RYR2: variants seen among roughly 807,000 people sequenced by gnomAD.
The protein encoded by RYR2 is cardiac muscle ryanodine receptor-calcium release channel.
A neutral mutation model predicts 601.1 loss-of-function variants in RYR2; 227 were observed. That is an observed-to-expected ratio of 0.38 (90% CI 0.34 to 0.42). The LOEUF (loss-of-function observed/expected upper bound fraction) is 0.42, where lower values mean the gene tolerates loss of function less well. Ranked by LOEUF, RYR2 falls within the 10% of genes least tolerant of loss-of-function variation. The pLI is 1.00. For synonymous variants in RYR2, 2,223 were observed against 2,175.1 expected (o/e 1.02, Z -0.61); for missense variants, 4,646 against 6,156.5 (o/e 0.75, Z 8.21).
rs192630326 is a variant in RYR2 at position 237,601,684 on chromosome 1, C to T, written c.4597-341C>T. On this transcript the variant is annotated intron_variant, in intron 34 of 104. Coordinates refer to ENST00000366574, the MANE Select transcript of RYR2 (RefSeq NM_001035.3). ...TACACAATGTATGCAAGTATCAAAA[C>T]ATCATGTTACACCCCATTAAATATC... Among the ~76,000 whole-genome samples, 382 of 152,220 alleles carry T rather than the reference C, an allele frequency of 2.5e-3. 1 individual carries two copies. Among genetic ancestry groups the T allele is most frequent in the African/African-American group, 8.7e-3 (362 of 41,540 alleles).
intron 12 of RYR2, among the ~76,000 whole-genome samples, chr1:237,428,793 T>C (rs1706482061): frequency 1.3e-5 from 2 of 151,328 alleles, no homozygotes; most frequent in South Asian, 4.2e-4. Context: ...AAGTTGTAAG[T>C]TGTTAAATTT....
chr1:237,084,571 C>T (rs561922555), intron 1 of RYR2, among the ~76,000 whole-genome samples: 7 of 152,002 alleles, frequency 4.6e-5, no homozygotes, highest in South Asian at 4.2e-4. Context: ...GATGGAAAGG[C>T]GGGGGAGGGG....
At chr1:237,109,146 C>A (rs909812079) in intron 1 of RYR2, among the ~76,000 whole-genome samples, 2 of 151,636 alleles carry the variant, frequency 1.3e-5, no homozygotes, top group Non-Finnish European at 2.9e-5. Flanking sequence ...CAAATACATA[C>A]ATAAATGTGT....
At chr1:237,781,978 G>A (rs887550735) in intron 89 of RYR2, among the ~76,000 whole-genome samples, 4 of 151,942 alleles carry the variant, frequency 2.6e-5, no homozygotes, top group East Asian at 3.9e-4. Flanking sequence ...TGGGGGTTTC[G>A]GACATTTGGG....
chr1:237,043,084 G>T (rs376986668), intron 1 of RYR2, among the ~76,000 whole-genome samples: 1 of 152,224 alleles, frequency 6.6e-6, no homozygotes, highest in South Asian at 2.1e-4. Flanking sequence ...ACGTTGGTTC[G>T]CTTACTCCGT....
chr1:237,766,590 G>A (rs903506447), intron 84 of RYR2, among the ~76,000 whole-genome samples: 2 of 152,164 alleles, frequency 1.3e-5, no homozygotes, highest in East Asian at 3.9e-4. Flanking sequence ...AGGTATCAGA[G>A]TCTCAAGGCA....
chr1:237,453,245 A>C (rs1412295854), intron 14 of RYR2, among the ~76,000 whole-genome samples: 1 of 152,068 alleles, frequency 6.6e-6, no homozygotes, highest in Non-Finnish European at 1.5e-5. Flanking sequence ...AGGTAGGTGA[A>C]TTCTGTTCAT....
chr1:237,064,711 C>A (rs1253806299), intron 1 of RYR2, among the ~76,000 whole-genome samples: 1 of 105,584 alleles, frequency 9.5e-6, no homozygotes, highest in Non-Finnish European at 1.9e-5. Context: ...TGAATACCTG[C>A]AGTTTTTTGT....
Position 237,784,970 on chromosome 1 carries a change from C to A in RYR2, c.13258C>A (p.Gln4420Lys). The A allele has an allele frequency of 6.3e-7, 1 of 1,575,718 alleles. No homozygotes were observed. The highest frequency in any genetic ancestry group is 1.8e-5 in the Admixed American group (1 of 54,122). ...CATGCCTGAGGTGCAGGAAAAATTT[C>A]AGGTAATTTATCTCTAAGTCACAGC... ...VPMPEVQEKF[Q>K]EQKAKEEEKE... The change falls in exon 90 of 105, where the codon CAG becomes AAG. Residue 4420 changes from glutamine to lysine, a missense_variant and splice_region_variant. Physicochemically the swap from Gln to Lys is moderately conservative, Grantham distance 53. Around this residue, in one of 17 missense-constraint regions of RYR2, gnomAD observed 364 missense variants for 442.9 expected, o/e 0.82. Transcript: ENST00000366574. The surrounding 1 kb of genome is among the most constrained non-coding windows in gnomAD (Gnocchi z 7.1).
intron 1 of RYR2, among the ~76,000 whole-genome samples, chr1:237,143,433 G>A (rs1673608441): frequency 6.6e-6 from 1 of 152,174 alleles, no homozygotes; most frequent in South Asian, 2.1e-4. Flanking sequence ...CAACTTTGGA[G>A]GAGATTCCTC....
chr1:237,393,862 G>A (rs766261765), intron 10 of RYR2, among the ~76,000 whole-genome samples: 13 of 152,282 alleles, frequency 8.5e-5, no homozygotes, highest in East Asian at 7.7e-4. Context: ...GTCTAGAGCC[G>A]CACTCTCAAG....
intron 1 of RYR2, among the ~76,000 whole-genome samples, chr1:237,165,387 C>A (rs1676588717): frequency 6.6e-6 from 1 of 152,114 alleles, no homozygotes; most frequent in Non-Finnish European, 1.5e-5. Flanking sequence ...TAAAATGGAT[C>A]AAAATCACTT....
intron 22 of RYR2, among the ~76,000 whole-genome samples, 167 bp from the exon 23 acceptor site, chr1:237,506,543 G>GAAA (rs368515743): frequency 4.5e-5 from 6 of 134,796 alleles, no homozygotes; most frequent in Admixed American, 3.0e-4. Flanking sequence ...GTCTCAAGGG[G>GAAA]AAAAAAAAAA....
intron 1 of RYR2, among the ~76,000 whole-genome samples, chr1:237,218,011 G>C (rs765956617): frequency 4.6e-5 from 7 of 152,082 alleles, no homozygotes; most frequent in Non-Finnish European, 1.0e-4. Flanking sequence ...GATATGCAGG[G>C]GTGGCTGTTC....
intron 1 of RYR2, among the ~76,000 whole-genome samples, chr1:237,208,948 A>ATG (rs60860953): frequency 3.9e-4 from 37 of 94,196 alleles, no homozygotes; most frequent in South Asian, 1.4e-3. Context: ...ATATATATAT[A>ATG]TATATATATA....
intron 2 of RYR2, among the ~76,000 whole-genome samples, chr1:237,315,315 G>A (rs1054643749): frequency 1.3e-5 from 2 of 151,996 alleles, no homozygotes; most frequent in Admixed American, 6.6e-5. Flanking sequence ...TGAGTCTGAA[G>A]ATACTATGTT....
At chr1:237,215,179 A>C (rs766601496) in intron 1 of RYR2, among the ~76,000 whole-genome samples, 6 of 152,228 alleles carry the variant, frequency 3.9e-5, no homozygotes, top group Non-Finnish European at 1.5e-5. Flanking sequence ...TTTTTCCCAG[A>C]ATCATTTGAA....
chr1:237,493,185 AG>A, intron 19 of RYR2, 98 bp downstream of exon 19: 1 of 1,298,788 alleles, frequency 7.7e-7, no homozygotes, highest in Non-Finnish European at 1.1e-6. Context: ...TTTTTAAATT[AG>A]ACCATATAGT....
Position 237,655,879 on chromosome 1 carries a change from C to A in RYR2, c.8024C>A (p.Ala2675Asp), listed in dbSNP as rs373767708. ...ALPCLSAVAGALPPDYMESNY... is the reference protein window; with the variant it reads ...ALPCLSAVAGDLPPDYMESNY... Reference sequence around the variant, plus strand: ...CCTTGCCTGAGTGCAGTTGCGGGAGCTTTGCCTCCAGACTACATGGAGTCA... The same window carrying A: ...CCTTGCCTGAGTGCAGTTGCGGGAGATTTGCCTCCAGACTACATGGAGTCA... The change falls in exon 53 of 105, where the codon GCT becomes GAT. Residue 2675 changes from alanine (A) to aspartate (D), a missense_variant. Coordinates refer to ENST00000366574, the MANE Select transcript of RYR2 (RefSeq NM_001035.3). The A allele has an allele frequency of 6.2e-7, 1 of 1,609,822 alleles. No individual in the cohort carries two copies. Among genetic ancestry groups the A allele is most frequent in the Admixed American group, 1.7e-5 (1 of 59,448 alleles).
Sources: allele counts gnomAD v4.1 joint callset (sites outside exome capture counted in the v4.1 genomes callset), GRCh38; gene constraint gnomAD v4.1.1; regional missense constraint gnomAD v4.1.1; non-coding constraint Gnocchi (gnomAD v3.1); transcripts MANE v1.5; gene names NCBI Gene and HGNC (gene_info 2026-07-23, HGNC 2026-07-21).